Variants in DDX60L observed in about 807,000 individuals in gnomAD.
DDX60L encodes probable ATP-dependent RNA helicase DDX60-like.
Under a neutral mutation model 211.6 loss-of-function variants are expected in DDX60L, and 191 were observed. The ratio of observed to expected loss-of-function variants is 0.90; its 90% CI spans 0.80 to 1.02. DDX60L has a LOEUF of 1.02. DDX60L is among the 50% of genes least tolerant of loss of function. The pLI is 0.00. For synonymous variants in DDX60L, 706 were observed against 694.1 expected, an observed-to-expected ratio of 1.02 and a Z score of -0.27; for missense variants, 2,007 against 1,984.1, an observed-to-expected ratio of 1.01 and a Z score of -0.22.
intron 4 of DDX60L, among the ~76,000 whole-genome samples, chr4:168,467,701 T>C (rs2150126792): frequency 6.6e-6 from 1 of 152,302 alleles, no homozygotes; most frequent in East Asian, 1.9e-4. Flanking sequence ...AGGAAAACTC[T>C]AGACCCAAAT....
chr4:168,370,346 A>C (rs1273252135), intron 36 of DDX60L, among the ~76,000 whole-genome samples: 1 of 152,166 alleles, frequency 6.6e-6, no homozygotes, highest in Non-Finnish European at 1.5e-5. Flanking sequence ...GCATGATATC[A>C]CTCACATGTA....
chr4:168,388,383 G>A (rs1579311508), intron 29 of DDX60L, among the ~76,000 whole-genome samples: 1 of 152,292 alleles, frequency 6.6e-6, no homozygotes, highest in South Asian at 2.1e-4. Context: ...ATTTGTGCCA[G>A]AAGGTTCTCA....
intron 10 of DDX60L, among the ~76,000 whole-genome samples, chr4:168,437,090 A>T (rs1270610251): frequency 6.6e-6 from 1 of 152,190 alleles, no homozygotes; most frequent in Non-Finnish European, 1.5e-5. Context: ...CCCAATGCAA[A>T]CAGTACTCTA....
At position 168,357,470 on chromosome 4, in the gene DDX60L, G is replaced by C. The variant is rs1738361532; in HGVS notation, c.*677C>G. 6.6e-6 allele frequency: 1 copy of C among 152,368 alleles called. No individual in the cohort carries two copies. The highest frequency in any genetic ancestry group is 2.4e-5 in the African/African-American group (1 of 41,444). 9.4% of individuals were successfully genotyped at this position (152,368 alleles called of 1,614,324 possible). A position where few individuals can be genotyped will look rare whatever the true frequency, so the allele number is the denominator to read the frequency against. On this transcript the variant is annotated 3_prime_UTR_variant, in exon 38 of 38. Coordinates refer to ENST00000682922, the MANE Select transcript of DDX60L (RefSeq NM_001012967.3). ...TTGAGGGCTTGCTTCTTGGTCTGCA[G>C]ATGGCCATCTTCCCATTGTATCATC...
intron 33 of DDX60L, among the ~76,000 whole-genome samples, chr4:168,375,956 A>G (rs931646267): frequency 4.6e-5 from 7 of 152,220 alleles, no homozygotes; most frequent in Admixed American, 1.3e-4. Flanking sequence ...AATCCTGAGA[A>G]CAACCCTATG....
intron 31 of DDX60L, 76 bp downstream of exon 31, chr4:168,379,650 T>C (rs1339694293): frequency 7.7e-7 from 1 of 1,295,992 alleles, no homozygotes; most frequent in East Asian, 2.4e-5. Context: ...ATTATAGAAA[T>C]TTCAGTTGGT....
In DDX60L at chr4:168,430,714, T is replaced by G. The variant is rs114829447; in HGVS notation, c.1517-76A>C. 2.1e-3 allele frequency: 2,296 copies of G among 1,107,088 alleles called. 46 individuals carry two copies. In the African/African-American group the frequency reaches 0.033, roughly 16 times the overall value. The allele number at this position is 1,107,088 out of a possible 1,614,324, so 68.6% of individuals were successfully genotyped here. On this transcript the variant is annotated intron_variant, in intron 12 of 37. Coordinates refer to ENST00000682922, the MANE Select transcript of DDX60L (RefSeq NM_001012967.3). ...ATATGTGTGCTACCCACACATTATT[T>G]TTTTAACTCCAGAATAATAATTCAG... is the stretch of plus-strand genomic sequence containing the variant.
At chr4:168,367,765 G>A (rs1270337863) in intron 36 of DDX60L, among the ~76,000 whole-genome samples, 1 of 152,226 alleles carries the variant, frequency 6.6e-6, no homozygotes, top group African/African-American at 2.4e-5. Context: ...GGTGGTCTCA[G>A]ATGGAAATGA....
chr4:168,436,826 A>G (rs2465252), intron 10 of DDX60L, among the ~76,000 whole-genome samples: 125,530 of 152,104 alleles, frequency 0.83, 51,861 homozygotes, highest in East Asian at 0.91. Flanking sequence ...CAATGATTCC[A>G]TTGAACTAGA....
At chr4:168,435,873 G>A (rs1042602565) in intron 10 of DDX60L, among the ~76,000 whole-genome samples, 2 of 152,084 alleles carry the variant, frequency 1.3e-5, no homozygotes, top group South Asian at 2.1e-4. Context: ...TGTCAAAGAT[G>A]GGAAATCAAT....
chr4:168,420,463 TACAC>T (rs10598232), intron 17 of DDX60L, 83 bp from the exon 18 acceptor site: 21,566 of 451,214 alleles, frequency 0.048, 319 homozygotes, highest in African/African-American at 0.096. Flanking sequence ...TCCATACACA[TACAC>T]ACACACACAC....
intron 4 of DDX60L, among the ~76,000 whole-genome samples, chr4:168,464,268 G>A (rs1045735750): frequency 1.7e-4 from 26 of 151,980 alleles, no homozygotes; most frequent in African/African-American, 6.0e-4. Context: ...TGTATTGGAC[G>A]TCAAAACAAG....
At chr4:168,453,345 G>A (rs1756069522) in intron 7 of DDX60L, 63 bp from the exon 8 acceptor site, 2 of 1,498,506 alleles carry the variant, frequency 1.3e-6, no homozygotes, top group Non-Finnish European at 1.8e-6. Context: ...CATTGAAATA[G>A]GCACTCCACG....
In DDX60L at chr4:168,477,482, A is replaced by G. The variant is rs576476335; in HGVS notation, c.-111+2895T>C. Among the ~76,000 whole-genome samples, 4 of 152,286 alleles carry G rather than the reference A, an allele frequency of 2.6e-5. No homozygotes were observed. The South Asian group carries it at 8.3e-4, about 32-fold the overall frequency. ...TATAGTGCTATCGTTCTTTTAATCT[A>G]AAAATCCATGAATTGCAAGATACAC... On this transcript the variant is annotated intron_variant, in intron 1 of 37. Transcript: ENST00000682922.
chr4:168,390,224 C>T (rs916959904), intron 29 of DDX60L: 8 of 1,039,968 alleles, frequency 7.7e-6, no homozygotes, highest in African/African-American at 1.7e-5. Flanking sequence ...TTCTTCCAAA[C>T]TAGTGATTTT....
rs1277279254 is a variant in DDX60L at position 168,371,741 on chromosome 4, A to C, written c.4799T>G (p.Val1600Gly). 6.2e-7 allele frequency: 1 copy of C among 1,606,174 alleles called. No individual in the cohort carries two copies. The highest frequency in any genetic ancestry group is 1.3e-5 in the African/African-American group (1 of 74,922). ...INQVILRTVG[V>G]SGTQAPLLWP... is the part of the protein sequence containing the mutation. ...CAGCAGAGGAGCCTGAGTGCCACTA[A>C]CACCGACTGTGCGCAGGATGACCTG... is the stretch of plus-strand genomic sequence containing the variant. The change falls in exon 36 of 38, where the codon GTT (valine) becomes GGT (glycine). Residue 1600 changes from valine (V) to glycine (G), a missense_variant. Coordinates refer to ENST00000682922, the MANE Select transcript of DDX60L (RefSeq NM_001012967.3).
rs370162600 is a variant in DDX60L at position 168,357,009 on chromosome 4, C to T, written c.*1138G>A. 6.6e-6 allele frequency: 1 copy of T among 152,254 alleles called. No homozygotes were observed. Among genetic ancestry groups the T allele is most frequent in the African/African-American group, 2.4e-5 (1 of 41,562 alleles). 9.4% of individuals were successfully genotyped at this position (152,254 alleles called of 1,614,324 possible). The stretch of plus-strand genomic sequence containing the variant: ...CCGTATTCATTTATCACAGCAAAAA[C>T]GCACCTTTAAAGGTTTGTTTTTGTT... On this transcript the variant is annotated 3_prime_UTR_variant, in exon 38 of 38. Coordinates refer to ENST00000682922, the MANE Select transcript of DDX60L (RefSeq NM_001012967.3).
In DDX60L at chr4:168,422,513, G is replaced by C; in HGVS notation, c.2244+11C>G. The stretch of plus-strand genomic sequence containing the variant: ...CACTGATTAGAAAAGTACAATGTTT[G>C]TTGTCATTACCTGCCATGCGTTGGG... On this transcript the variant is annotated intron_variant, in intron 16 of 37. Transcript: ENST00000682922. 6.2e-7 allele frequency: 1 copy of C among 1,604,286 alleles called. No individual in the cohort carries two copies. The highest frequency in any genetic ancestry group is 2.2e-5 in the East Asian group (1 of 44,808).
intron 9 of DDX60L, among the ~76,000 whole-genome samples, chr4:168,446,573 G>A (rs1754835818): frequency 6.6e-6 from 1 of 152,132 alleles, no homozygotes. Flanking sequence ...GCATCACCAA[G>A]TCAATCCTAA....
Sources: gnomAD v4.1 joint callset for allele counts (sites outside exome capture counted in the v4.1 genomes callset) on GRCh38, gnomAD v4.1.1 for gene constraint, MANE v1.5 for transcripts, NCBI Gene and HGNC (gene_info 2026-07-23, HGNC 2026-07-21) for gene names.